The following PGAP3 variants were observed in gnomAD, a reference collection of about 807,000 sequenced individuals.
PGAP3 encodes post-GPI attachment to proteins phospholipase 3.
PGAP3 carries 31 observed loss-of-function variants against 40.3 expected under a neutral mutation model. The ratio of observed to expected loss-of-function variants is 0.77; its 90% CI spans 0.58 to 1.04. PGAP3 has a LOEUF of 1.04. PGAP3 is among the 50% of genes least tolerant of loss of function. The pLI is 0.00. For synonymous variants in PGAP3, 191 were observed against 184.5 expected (o/e 1.04, Z -0.29); for missense variants, 413 against 423.0 (o/e 0.98, Z 0.21).
chr17:39,676,125 T>G (rs1176083673), intron 3 of PGAP3, among the ~76,000 whole-genome samples: 1 of 152,206 alleles, frequency 6.6e-6, no homozygotes, highest in Non-Finnish European at 1.5e-5. Flanking sequence ...ACAACAGGAC[T>G]GAACCTGGTG....
Position 39,673,154 on chromosome 17 carries a change from G to A in PGAP3, c.796C>T (p.Leu266=), listed in dbSNP as rs1200511801. Residue 266 remains leucine, a synonymous_variant, in exon 7 of 8, where the codon CTG becomes TTG. Coordinates refer to ENST00000300658, the MANE Select transcript of PGAP3 (RefSeq NM_033419.5). ...CVVVVLLLQG[L]SLLELLDFPP... ...AAGTCAAGCAGCTCGAGCAGGGACAGCCCCTGCAGCAGCAAGACCACCACC... is the reference window on the plus strand; with the variant it reads ...AAGTCAAGCAGCTCGAGCAGGGACAACCCCTGCAGCAGCAAGACCACCACC... The A allele has an allele frequency of 2.5e-6, 4 of 1,597,152 alleles. No homozygotes were observed. The highest frequency in any genetic ancestry group is 1.8e-5 in the Admixed American group (1 of 56,404).
intron 5 of PGAP3, 94 bp from the exon 6 acceptor site, chr17:39,673,744 G>A: frequency 1.3e-6 from 2 of 1,524,074 alleles, no homozygotes; most frequent in Non-Finnish European, 1.8e-6. Context: ...TTGGTGCATG[G>A]CCCCTGAAGT....
At chr17:39,685,572 T>G (rs2057500520) in intron 2 of PGAP3, among the ~76,000 whole-genome samples, 1 of 152,010 alleles carries the variant, frequency 6.6e-6, no homozygotes, top group African/African-American at 2.4e-5. Context: ...TGAAGCATAT[T>G]ACTGTGAATC....
chr17:39,684,606 G>A lies in PGAP3; in HGVS notation c.423C>T (p.Ala141=). Residue 141 remains alanine (A), a synonymous_variant, in exon 3 of 8, where the codon GCC becomes GCT. Transcript: ENST00000300658. ...CTGCTAGGTTACCTACCCAGGCGAA[G>A]GCCACACAGGTGTGGTACATGGGGG... ...ASSPMYHTCV[A]FAWVSLNAWF... 2 of 1,611,168 alleles carry A rather than the reference G, an allele frequency of 1.2e-6. No individual in the cohort carries two copies. The highest frequency in any genetic ancestry group is 1.7e-6 in the Non-Finnish European group (2 of 1,178,718).
rs773935215 is a variant in PGAP3 at position 39,673,984 on chromosome 17, C to A, written c.557+9G>T. 3.2e-5 allele frequency: 52 copies of A among 1,613,744 alleles called. 2 individuals carry two copies. In the Admixed American group the frequency reaches 8.7e-4, roughly 27 times the overall value. ...GATTTTGCCCCTGCAGCCACCCAGG[C>A]AGGCTCACCTGACGCAGCACAGGTA... On this transcript the variant is annotated intron_variant, in intron 5 of 7. Transcript: ENST00000300658.
intron 3 of PGAP3, among the ~76,000 whole-genome samples, chr17:39,681,937 T>G (rs568700020): frequency 6.6e-6 from 1 of 150,722 alleles, no homozygotes; most frequent in African/African-American, 2.4e-5. Flanking sequence ...AAACCTGATG[T>G]GGGCCGGGCG....
At chr17:39,682,972 G>C (rs2057461786) in intron 3 of PGAP3, among the ~76,000 whole-genome samples, 1 of 152,098 alleles carries the variant, frequency 6.6e-6, no homozygotes, top group Admixed American at 6.6e-5. Flanking sequence ...AGCTGCTCAG[G>C]AGGCTGAGGC....
At chr17:39,673,449 C>A in intron 6 of PGAP3, 65 bp downstream of exon 6, 1 of 1,605,566 alleles carries the variant, frequency 6.2e-7, no homozygotes, top group South Asian at 1.1e-5. Flanking sequence ...AGGAATGGCA[C>A]CAACCTCCCA....
intron 6 of PGAP3, 75 bp from the exon 7 acceptor site, chr17:39,673,330 C>T (rs1376644802): frequency 1.0e-5 from 16 of 1,562,438 alleles, no homozygotes; most frequent in South Asian, 2.3e-5. Flanking sequence ...ACTCCATGCT[C>T]TCTGACCCCA....
At chr17:39,683,553 G>A (rs1050662987) in intron 3 of PGAP3, among the ~76,000 whole-genome samples, 1 of 152,224 alleles carries the variant, frequency 6.6e-6, no homozygotes, top group African/African-American at 2.4e-5. Context: ...CTCAACACCT[G>A]AGTGAATGGC....
At chr17:39,686,461 G>A (rs2057526259) in intron 1 of PGAP3, among the ~76,000 whole-genome samples, 2 of 151,724 alleles carry the variant, frequency 1.3e-5, no homozygotes, top group African/African-American at 2.4e-5. Context: ...TCTCCATGTT[G>A]GTCAGGGTGG....
At chr17:39,675,399 C>T (rs944385539) in intron 3 of PGAP3, among the ~76,000 whole-genome samples, 1 of 152,218 alleles carries the variant, frequency 6.6e-6, no homozygotes, top group African/African-American at 2.4e-5. Context: ...AGCCTAAGAG[C>T]TTGTGGGCGT....
chr17:39,681,696 C>G (rs756446334), intron 3 of PGAP3, among the ~76,000 whole-genome samples: 7 of 152,052 alleles, frequency 4.6e-5, no homozygotes, highest in Non-Finnish European at 8.8e-5. Context: ...TTAGTAGAGA[C>G]AGGGTTTCTT....
rs185292753 is a variant in PGAP3 at position 39,678,010 on chromosome 17, C to A, written c.433-3331G>T. Among the ~76,000 whole-genome samples the A allele has an allele frequency of 4.0e-3, 607 of 152,234 alleles. 6 individuals carry two copies. The highest frequency in any genetic ancestry group is 0.014 in the African/African-American group (564 of 41,528). ...CTCCTCTGGAGGCCACAGTGTCTCA[C>A]CCCCTGCCTCAGGCAGGGCAGGCCA... On this transcript the variant is annotated intron_variant, in intron 3 of 7. Transcript: ENST00000300658.
At chr17:39,674,548 C>T (rs2057351378) in intron 4 of PGAP3, 69 bp downstream of exon 4, 6 of 1,463,038 alleles carry the variant, frequency 4.1e-6, no homozygotes, top group Non-Finnish European at 9.3e-7. Flanking sequence ...CCCTCTAGAG[C>T]CCCTCTGCCC....
chr17:39,674,762 CCTTTGGGAAGGGGCT>C, intron 3 of PGAP3, 83 bp from the exon 4 acceptor site: 1 of 1,368,160 alleles, frequency 7.3e-7, no homozygotes, highest in Non-Finnish European at 1.0e-6. Flanking sequence ...ATCCATTTCA[CCTTTGGGAAGGGGCT>C]CTGCAGGACA....
chr17:39,676,189 AG>A (rs1285409963), intron 3 of PGAP3, among the ~76,000 whole-genome samples: 2 of 152,130 alleles, frequency 1.3e-5, no homozygotes, highest in Non-Finnish European at 2.9e-5. Context: ...GCATGGGGAG[AG>A]GAGCAGGCTT....
Position 39,686,002 on chromosome 17 carries a change from C to A in PGAP3, c.199G>T (p.Asp67Tyr). 1.2e-6 allele frequency: 2 copies of A among 1,612,874 alleles called. No individual in the cohort carries two copies. The highest frequency in any genetic ancestry group is 2.2e-5 in the South Asian group (2 of 90,984). ...ACCCACATACACTCATACTTACAGT[C>A]GTCCCGACAGGTCCAGCCTGAAACA... ...MSLAGWTCRD[D>Y]CKYECMWVTV... The change falls in exon 2 of 8, where the codon GAC (aspartate) becomes TAC (tyrosine). Residue 67 changes from aspartate to tyrosine, a missense_variant. Transcript: ENST00000300658.
At position 39,674,597 on chromosome 17, in the gene PGAP3, G is replaced by A; in HGVS notation, c.495+20C>T. ...TCTGGGACCACCCTGTGCAGGAGGG[G>A]GAGCTGGAGGAATGCTCACCTCTGT... On this transcript the variant is annotated intron_variant, in intron 4 of 7. Coordinates refer to ENST00000300658, the MANE Select transcript of PGAP3 (RefSeq NM_033419.5). 3.2e-6 allele frequency: 5 copies of A among 1,547,468 alleles called. 1 individual carries two copies. In the South Asian group the frequency reaches 6.0e-5, roughly 18 times the overall value.
Sources: gnomAD v4.1 joint callset for allele counts (sites outside exome capture counted in the v4.1 genomes callset) on GRCh38, gnomAD v4.1.1 for gene constraint, MANE v1.5 for transcripts, NCBI Gene and HGNC (gene_info 2026-07-23, HGNC 2026-07-21) for gene names.